The following VSX2 variants were observed in gnomAD, a reference collection of about 807,000 sequenced individuals.
VSX2 encodes ceh-10 homeo domain containing homolog.
A neutral mutation model predicts 32.1 loss-of-function variants in VSX2; 28 were observed. That is an observed-to-expected ratio of 0.87 (90% confidence interval 0.65 to 1.20). The LOEUF (loss-of-function observed/expected upper bound fraction) is 1.20. Ranked by LOEUF, VSX2 falls within the 50% of genes most tolerant of loss-of-function variation. VSX2 has a pLI of 0.00. For missense variants in VSX2, 506 were observed against 488.7 expected, an observed-to-expected ratio of 1.04 and a Z score of -0.33; for synonymous variants, 243 against 214.1, an observed-to-expected ratio of 1.14 and a Z score of -1.18.
intron 3 of VSX2, among the ~76,000 whole-genome samples, chr14:74,248,407 CCAGGTG>C (rs1194119490): frequency 6.6e-6 from 1 of 150,762 alleles, no homozygotes; most frequent in Non-Finnish European, 1.5e-5. Flanking sequence ...AAATTCCTGG[CCAGGTG>C]CAGGGGCTCA....
intron 3 of VSX2, among the ~76,000 whole-genome samples, chr14:74,255,262 T>C (rs1211387917): frequency 6.6e-6 from 1 of 152,172 alleles, no homozygotes; most frequent in South Asian, 2.1e-4. Flanking sequence ...AGGAAGGGAA[T>C]AGAAAGGGAC....
intron 4 of VSX2, among the ~76,000 whole-genome samples, 177 bp from the exon 5 acceptor site, chr14:74,260,417 G>A (rs529416223): frequency 8.5e-5 from 13 of 152,296 alleles, no homozygotes; most frequent in Admixed American, 5.2e-4. Flanking sequence ...CAGGGCTGGC[G>A]ACCCATCTCC....
At position 74,260,715 on chromosome 14, in the gene VSX2, G is replaced by A. The variant is rs1439064328; in HGVS notation, c.882G>A (p.Ala294=). The A allele has an allele frequency of 1.1e-5, 17 of 1,593,188 alleles. No homozygotes were observed. Among genetic ancestry groups the A allele is most frequent in the South Asian group, 2.3e-5 (2 of 87,702 alleles). The change falls in exon 5 of 5, where the codon GCG becomes GCA. Residue 294 remains alanine, a synonymous_variant. Transcript: ENST00000261980. ...ACGAGCGGGGCCCCGACGCTCAGGC[G>A]GCCATCTCCCAGGAGGAACTGAGGG... is the stretch of plus-strand genomic sequence containing the variant. The part of the protein sequence containing the change: ...EQDERGPDAQ[A]AISQEELREN...
chr14:74,259,800 C>T lies in VSX2; in HGVS notation c.760+18C>T, dbSNP rs770976115. 8.9e-6 allele frequency: 13 copies of T among 1,465,366 alleles called. No homozygotes were observed. In the African/African-American group the frequency reaches 3.4e-4, roughly 39 times the overall value. The allele number at this position is 1,465,366 out of a possible 1,614,324, so 90.8% of individuals were successfully genotyped here. A position where few individuals can be genotyped will look rare whatever the true frequency, so the allele number is the denominator to read the frequency against. Reference sequence around the variant, plus strand: ...GCTACTGGGTAAGAGCCCGCACCCTCCTTGGGGTCCTGCCCTGCGGTGAGG... The same window carrying T: ...GCTACTGGGTAAGAGCCCGCACCCTTCTTGGGGTCCTGCCCTGCGGTGAGG... On this transcript the variant is annotated intron_variant, in intron 4 of 4. Transcript: ENST00000261980.
Position 74,262,397 on chromosome 14 carries a change from C to A in VSX2, c.*1478C>A, listed in dbSNP as rs1281768378. On this transcript the variant is annotated 3_prime_UTR_variant, in exon 5 of 5. Coordinates refer to ENST00000261980, the MANE Select transcript of VSX2 (RefSeq NM_182894.3). ...CAGGCTCCCGACCCCATCCACCTAT[C>A]CACCACCCCACCCACCTTTGCAGGG... 2 of 152,270 alleles carry A rather than the reference C, an allele frequency of 1.3e-5. No individual in the cohort carries two copies. The highest frequency in any genetic ancestry group is 4.8e-5 in the African/African-American group (2 of 41,450). The allele number at this position is 152,270 out of a possible 1,614,324, so 9.4% of individuals were successfully genotyped here. A position where few individuals can be genotyped will look rare whatever the true frequency, so the allele number is the denominator to read the frequency against.
intron 2 of VSX2, 41 bp downstream of exon 2, chr14:74,241,307 C>T: frequency 1.3e-6 from 2 of 1,593,642 alleles, no homozygotes; most frequent in South Asian, 1.1e-5. Context: ...GCCCGCGCAC[C>T]CCGCTGCCGT....
intron 2 of VSX2, among the ~76,000 whole-genome samples, chr14:74,241,573 C>T (rs1051569071): frequency 1.3e-5 from 2 of 152,230 alleles, no homozygotes; most frequent in African/African-American, 2.4e-5. Context: ...TCCCCAGATC[C>T]CCGCACCAGT....
intron 1 of VSX2, among the ~76,000 whole-genome samples, chr14:74,240,769 C>T (rs1233324260): frequency 2.0e-5 from 3 of 152,208 alleles, no homozygotes; most frequent in African/African-American, 7.2e-5. Context: ...CTTCCCGGAG[C>T]CCAGCTCCCC....
intron 3 of VSX2, among the ~76,000 whole-genome samples, chr14:74,247,399 G>A (rs1430321648): frequency 6.6e-6 from 1 of 152,202 alleles, no homozygotes; most frequent in African/African-American, 2.4e-5. Context: ...GTCTTCATCT[G>A]TACAATGGGG....
At position 74,239,761 on chromosome 14, in the gene VSX2, T is replaced by G; in HGVS notation, c.200T>G (p.Val67Gly). Residue 67 changes from valine (V) to glycine (G), a missense_variant, in exon 1 of 5, where the codon GTG becomes GGG. Physicochemically the swap from Val to Gly is moderately radical, Grantham distance 109 (BLOSUM62 -3). Transcript: ENST00000261980. ...APGHLLAARSVLSPAGVGGMG... is the reference protein window; with the variant it reads ...APGHLLAARSGLSPAGVGGMG... ...GGGCACTTGCTGGCGGCGCGCTCAG[T>G]GCTCAGCCCCGCGGGGGTGGGCGGC... is the stretch of plus-strand genomic sequence containing the variant. The G allele has an allele frequency of 4.5e-6, 7 of 1,553,242 alleles. No homozygotes were observed. Among genetic ancestry groups the G allele is most frequent in the Non-Finnish European group, 6.1e-6 (7 of 1,149,238 alleles).
chr14:74,249,237 A>G (rs991314305), intron 3 of VSX2, among the ~76,000 whole-genome samples: 3 of 152,144 alleles, frequency 2.0e-5, no homozygotes, highest in Non-Finnish European at 4.4e-5. Context: ...ATTGTCCCAG[A>G]TATTAAGTGC....
chr14:74,243,948 G>A (rs2139632017), intron 2 of VSX2, among the ~76,000 whole-genome samples: 1 of 152,292 alleles, frequency 6.6e-6, no homozygotes, highest in Admixed American at 6.5e-5. Context: ...GGCAAGGGCT[G>A]GACCATTTCT....
Position 74,239,605 on chromosome 14 carries a change from A to G in VSX2, c.44A>G (p.Glu15Gly). ...GAAGCGCTGAGCAAGCCCAAATCCGAGACAGTGGCCAAGAGTACCTCGGGG... is the reference window on the plus strand; with the variant it reads ...GAAGCGCTGAGCAAGCCCAAATCCGGGACAGTGGCCAAGAGTACCTCGGGG... ...AGEALSKPKS[E>G]TVAKSTSGGA... The change falls in exon 1 of 5, where the codon GAG becomes GGG. Residue 15 changes from glutamate (E) to glycine (G), a missense_variant. Coordinates refer to ENST00000261980, the MANE Select transcript of VSX2 (RefSeq NM_182894.3). 1 of 1,551,300 alleles carries G rather than the reference A, an allele frequency of 6.4e-7. No homozygotes were observed. Among genetic ancestry groups the G allele is most frequent in the Non-Finnish European group, 8.7e-7 (1 of 1,146,976 alleles).
At chr14:74,256,990 T>G (rs983038315) in intron 3 of VSX2, among the ~76,000 whole-genome samples, 2 of 152,044 alleles carry the variant, frequency 1.3e-5, no homozygotes, top group African/African-American at 4.8e-5. Context: ...CATACTTTTA[T>G]GTAGATTAGT....
chr14:74,251,404 C>T lies in VSX2; in HGVS notation c.579+6116C>T, dbSNP rs530853338. 2.0e-4 allele frequency among the ~76,000 whole-genome samples: 31 copies of T among 152,262 alleles called. 1 individual carries two copies. In the South Asian group the frequency reaches 5.4e-3, roughly 26 times the overall value. On this transcript the variant is annotated intron_variant, in intron 3 of 4. Coordinates refer to ENST00000261980, the MANE Select transcript of VSX2 (RefSeq NM_182894.3). The stretch of plus-strand genomic sequence containing the variant: ...GGCGGAGGTTGCAGTGAGCCGAGAT[C>T]GCGCCATTGCACTCCAGCCTGGGCA...
chr14:74,249,533 G>T (rs149015324), intron 3 of VSX2, among the ~76,000 whole-genome samples: 1 of 152,268 alleles, frequency 6.6e-6, no homozygotes, highest in East Asian at 1.9e-4. Flanking sequence ...GCCTCCCAAA[G>T]TGCTGGGATT....
chr14:74,252,493 C>T (rs1381745101), intron 3 of VSX2, among the ~76,000 whole-genome samples: 1 of 129,460 alleles, frequency 7.7e-6, no homozygotes, highest in Non-Finnish European at 1.7e-5. Context: ...CGAGTTCAAG[C>T]GATTCTCCTG....
chr14:74,241,149 A>C lies in VSX2; in HGVS notation c.371-33A>C, dbSNP rs187370852. On this transcript the variant is annotated intron_variant, in intron 1 of 4. Transcript: ENST00000261980. ...TCGGGCACAGCGGAGCGCGTCCCCC[A>C]CTCTGCCGCATGTCCCTACGCCCGC... The C allele has an allele frequency of 8.3e-4, 1,334 of 1,607,466 alleles. 24 individuals carry two copies. The East Asian group carries it at 0.026, about 32-fold the overall frequency.
rs28762993 is a variant in VSX2, at chr14:74,243,491, T to C, written c.456-1674T>C. On this transcript the variant is annotated intron_variant, in intron 2 of 4. Coordinates refer to ENST00000261980, the MANE Select transcript of VSX2 (RefSeq NM_182894.3). ...GGCTCTCCGAAGTAGGGACTGAGAC[T>C]TGAATGGTTCTACATGACCTATAAT... Among the ~76,000 whole-genome samples, 888 of 152,298 alleles carry C rather than the reference T, an allele frequency of 5.8e-3. 8 individuals are homozygous for C. The highest frequency in any genetic ancestry group is 0.02 in the African/African-American group (832 of 41,556).
Sources: allele counts gnomAD v4.1 joint callset (sites outside exome capture counted in the v4.1 genomes callset), GRCh38; gene constraint gnomAD v4.1.1; transcripts MANE v1.5; gene names NCBI Gene and HGNC (gene_info 2026-07-23, HGNC 2026-07-21).